The following MGAT5B variants were observed in gnomAD, a reference collection of about 807,000 sequenced individuals.
MGAT5B encodes the protein alpha-1,6-mannosylglycoprotein 6-beta-N-acetylglucosaminyltransferase B.
In MGAT5B, 54 loss-of-function variants were observed where a neutral mutation model predicts 95.1. The observed-to-expected ratio is 0.57, with a 90% CI of 0.46 to 0.71. The LOEUF is 0.71. Among genes scored for constraint, MGAT5B ranks in the 30% least tolerant of loss-of-function variants. MGAT5B has a pLI of 0.00. For missense variants in MGAT5B, 935 were observed against 1,088.6 expected, an observed-to-expected ratio of 0.86 and a Z score of 1.99; for synonymous variants, 464 against 451.0, an observed-to-expected ratio of 1.03 and a Z score of -0.36.
rs74653617 is a variant in MGAT5B at position 76,912,722 on chromosome 17, G to T, written c.1025+6535G>T. On this transcript the variant is annotated intron_variant, in intron 8 of 17. Transcript: ENST00000569840. This position sits in a 1 kb window ranked among gnomAD's most constrained non-coding sequence, Gnocchi z 5.0. The stretch of plus-strand genomic sequence containing the variant: ...TTTGCTGCTGCAAGATGCTTCCGGG[G>T]TGAGGGAGGTGGCACGAGGGAGCCG... Among the ~76,000 whole-genome samples the T allele has an allele frequency of 0.022, 3,308 of 152,270 alleles. 102 individuals are homozygous for T. The highest frequency in any genetic ancestry group is 0.068 in the African/African-American group (2,807 of 41,546).
chr17:76,875,898 C>G (rs1967171924), intron 2 of MGAT5B, among the ~76,000 whole-genome samples: 1 of 151,892 alleles, frequency 6.6e-6, no homozygotes, highest in Non-Finnish European at 1.5e-5. Flanking sequence ...CAAGTTTATC[C>G]AAGCCAGTCT....
At position 76,918,614 on chromosome 17, in the gene MGAT5B, C is replaced by T. The variant is rs934433751; in HGVS notation, c.1026-6352C>T. 6.6e-6 allele frequency among the ~76,000 whole-genome samples: 1 copy of T among 152,308 alleles called. No homozygotes were observed. ...TCAACCTCTGAGTTTCTTCTTTCTG[C>T]CCCCATCTGGTCTGTCAGGGACCAG... On this transcript the variant is annotated intron_variant, in intron 8 of 17. Coordinates refer to ENST00000569840, the MANE Select transcript of MGAT5B (RefSeq NM_001199172.2). The surrounding 1 kb of genome is among the most constrained non-coding windows in gnomAD (Gnocchi z 5.1).
chr17:76,940,493 C>G lies in MGAT5B; in HGVS notation c.1676C>G (p.Pro559Arg). The G allele has an allele frequency of 5.0e-6, 8 of 1,613,932 alleles. No individual in the cohort carries two copies. Among genetic ancestry groups the G allele is most frequent in the Non-Finnish European group, 6.8e-6 (8 of 1,179,898 alleles). ...ATCTTCCTGCAGTCCCGCTTCAGCC[C>G]GCCCCACAGCTCCCTCAACCACGAG... ...GCIFLQSRFS[P>R]PHSSLNHEFF... Residue 559 changes from proline (P) to arginine (R), a missense_variant, in exon 14 of 18, where the codon CCG becomes CGG. By Grantham distance (103) the Pro-to-Arg change is moderately radical. Transcript: ENST00000569840. This position sits in a 1 kb window ranked among gnomAD's most constrained non-coding sequence, Gnocchi z 4.3.
At chr17:76,893,084 C>T (rs145228221) in intron 3 of MGAT5B, among the ~76,000 whole-genome samples, 3 of 152,266 alleles carry the variant, frequency 2.0e-5, no homozygotes, top group East Asian at 1.9e-4. Flanking sequence ...ACGCACAGTA[C>T]GGGCTCTTGG....
intron 8 of MGAT5B, among the ~76,000 whole-genome samples, chr17:76,920,587 C>T (rs550992372): frequency 7.9e-5 from 12 of 152,254 alleles, no homozygotes; most frequent in African/African-American, 2.4e-4. Flanking sequence ...GCAATGAGGC[C>T]GCTGCAGACA....
chr17:76,880,407 G>A (rs767205958), intron 2 of MGAT5B, among the ~76,000 whole-genome samples: 1 of 152,188 alleles, frequency 6.6e-6, no homozygotes, highest in Non-Finnish European at 1.5e-5. Flanking sequence ...ATCAGGGTGG[G>A]AACGTGGCAG....
In MGAT5B at chr17:76,912,367, G is replaced by A. The variant is rs562954797; in HGVS notation, c.1025+6180G>A. 2.3e-4 allele frequency among the ~76,000 whole-genome samples: 35 copies of A among 152,252 alleles called. No homozygotes were observed. The highest frequency in any genetic ancestry group is 8.5e-4 in the Admixed American group (13 of 15,294). ...GCCTCACCTCTCAGCCCTGGGAGCC[G>A]TTCTGTGGGAGCAGCACCAGGTTAA... is the stretch of plus-strand genomic sequence containing the variant. On this transcript the variant is annotated intron_variant, in intron 8 of 17. Transcript: ENST00000569840. This position sits in a 1 kb window ranked among gnomAD's most constrained non-coding sequence, Gnocchi z 5.0.
intron 3 of MGAT5B, among the ~76,000 whole-genome samples, chr17:76,893,880 C>A (rs982893493): frequency 6.6e-6 from 1 of 152,190 alleles, no homozygotes; most frequent in African/African-American, 2.4e-5. Context: ...TGTCCTGCCC[C>A]CACCCTGTGC....
chr17:76,916,821 G>A lies in MGAT5B; in HGVS notation c.1026-8145G>A, dbSNP rs1429264415. On this transcript the variant is annotated intron_variant, in intron 8 of 17. Coordinates refer to ENST00000569840, the MANE Select transcript of MGAT5B (RefSeq NM_001199172.2). The surrounding 1 kb of genome is among the most constrained non-coding windows in gnomAD (Gnocchi z 5.3). ...AGACCAAGAGAGCGTCTTGTCAGAT[G>A]GTGGCTGGAGAGGAGGAAGGTGGCA... 1.3e-5 allele frequency among the ~76,000 whole-genome samples: 2 copies of A among 152,140 alleles called. No homozygotes were observed. Among genetic ancestry groups the A allele is most frequent in the Non-Finnish European group, 2.9e-5 (2 of 68,024 alleles).
chr17:76,885,428 A>G (rs970927949), intron 3 of MGAT5B, among the ~76,000 whole-genome samples: 1 of 152,194 alleles, frequency 6.6e-6, no homozygotes, highest in Non-Finnish European at 1.5e-5. Flanking sequence ...ATATTGCTGC[A>G]GGCAGCAGAG....
At chr17:76,879,300 T>C (rs1967316999) in intron 2 of MGAT5B, among the ~76,000 whole-genome samples, 2 of 152,060 alleles carry the variant, frequency 1.3e-5, no homozygotes, top group African/African-American at 4.8e-5. Context: ...GAACACAGCG[T>C]CACCCCAAAA....
chr17:76,902,540 G>T lies in MGAT5B; in HGVS notation c.330-15G>T. 1 of 1,563,414 alleles carries T rather than the reference G, an allele frequency of 6.4e-7. No individual in the cohort carries two copies. ...CGGCCGGTTCTGTGGCTCACCTCTG[G>T]CTTTTCCCACTTAGGATGCCCCCTG... On this transcript the variant is annotated splice_polypyrimidine_tract_variant and intron_variant, in intron 3 of 17. Transcript: ENST00000569840.
chr17:76,871,191 C>G (rs1006032668), intron 1 of MGAT5B, among the ~76,000 whole-genome samples: 2 of 152,154 alleles, frequency 1.3e-5, no homozygotes, highest in Admixed American at 6.5e-5. Context: ...GGACAAATAG[C>G]TGATTTCCCC....
Position 76,868,866 on chromosome 17 carries a change from C to T in MGAT5B, c.-164C>T. The T allele has an allele frequency of 2.4e-6, 1 of 412,748 alleles. No homozygotes were observed. The highest frequency in any genetic ancestry group is 4.1e-6 in the Non-Finnish European group (1 of 246,906). The allele number at this position is 412,748 out of a possible 1,614,324, so 25.6% of individuals were successfully genotyped here. ...GGCAGCCGCGCCGCTCCCTCCGCTGCACGCCCAGGCCTGAGCAGCGAGGCC... is the reference window on the plus strand; with the variant it reads ...GGCAGCCGCGCCGCTCCCTCCGCTGTACGCCCAGGCCTGAGCAGCGAGGCC... On this transcript the variant is annotated 5_prime_UTR_variant, in exon 1 of 18. Transcript: ENST00000569840. The surrounding 1 kb of genome is among the most constrained non-coding windows in gnomAD (Gnocchi z 6.3).
At chr17:76,941,348 G>A (rs1969858164) in intron 15 of MGAT5B, among the ~76,000 whole-genome samples, 1 of 152,258 alleles carries the variant, frequency 6.6e-6, no homozygotes, top group Admixed American at 6.5e-5. Context: ...GTGCTGGTGT[G>A]TGTAGGTGCA....
intron 12 of MGAT5B, among the ~76,000 whole-genome samples, chr17:76,934,869 C>T (rs1367694788): frequency 6.6e-6 from 1 of 152,080 alleles, no homozygotes; most frequent in Non-Finnish European, 1.5e-5. Flanking sequence ...ATGAAAGCAG[C>T]ATCTTGGGAG....
At chr17:76,882,876 C>T (rs780934560) in intron 3 of MGAT5B, among the ~76,000 whole-genome samples, 4 of 151,082 alleles carry the variant, frequency 2.6e-5, no homozygotes, top group South Asian at 2.1e-4. Flanking sequence ...CACCACACCT[C>T]GGTAATTTTT....
In MGAT5B at chr17:76,870,012, G is replaced by T. The variant is rs62086918; in HGVS notation, c.68+915G>T. On this transcript the variant is annotated intron_variant, in intron 1 of 17. Coordinates refer to ENST00000569840, the MANE Select transcript of MGAT5B (RefSeq NM_001199172.2). This position sits in a 1 kb window ranked among gnomAD's most constrained non-coding sequence, Gnocchi z 5.0. Reference sequence around the variant, plus strand: ...GTGTCACCCCGTGGGTAGCTGGGCAGCGAGGAAGCTGGGGGAGTGACCGCC... The same window carrying T: ...GTGTCACCCCGTGGGTAGCTGGGCATCGAGGAAGCTGGGGGAGTGACCGCC... 6.6e-6 allele frequency among the ~76,000 whole-genome samples: 1 copy of T among 152,222 alleles called. No individual in the cohort carries two copies. Among genetic ancestry groups the T allele is most frequent in the African/African-American group, 2.4e-5 (1 of 41,462 alleles).
chr17:76,884,569 G>A (rs1028578512), intron 3 of MGAT5B, among the ~76,000 whole-genome samples: 2 of 151,542 alleles, frequency 1.3e-5, no homozygotes, highest in African/African-American at 4.9e-5. Context: ...GAGTAGCTGG[G>A]ATTACAGGTG....
Sources: gnomAD v4.1 joint callset for allele counts (sites outside exome capture counted in the v4.1 genomes callset) on GRCh38, gnomAD v4.1.1 for gene constraint, Gnocchi (gnomAD v3.1) non-coding constraint, MANE v1.5 for transcripts, NCBI Gene and HGNC (gene_info 2026-07-23, HGNC 2026-07-21) for gene names.